The following NAV2 variants were observed in gnomAD, a reference collection of about 807,000 sequenced individuals.
The protein encoded by NAV2 is neuron navigator 2.
Under a neutral mutation model 223.2 loss-of-function variants are expected in NAV2, and 54 were observed. That is an observed-to-expected ratio of 0.24 (90% confidence interval 0.19 to 0.30). NAV2 has a LOEUF of 0.30. NAV2 is among the 10% of genes least tolerant of loss of function. The probability of loss-of-function intolerance (pLI) is 1.00; values close to 1 mark genes in which losing one functional copy is unlikely to be tolerated. For missense variants in NAV2, 2,806 were observed against 3,147.5 expected (o/e 0.89, Z 2.60); for synonymous variants, 1,279 against 1,239.3 (o/e 1.03, Z -0.67).
At chr11:19,476,073 C>T (rs1346790895) in intron 1 of NAV2, among the ~76,000 whole-genome samples, 1 of 152,194 alleles carries the variant, frequency 6.6e-6, no homozygotes, top group Non-Finnish European at 1.5e-5. Context: ...CTCCTGGGTT[C>T]AAGCAGTTCT....
rs558552868 is a variant in NAV2, at chr11:19,967,422, AC to A, written c.2646-16702del. 3.9e-3 allele frequency among the ~76,000 whole-genome samples: 588 copies of A among 152,234 alleles called. 4 individuals are homozygous for A. Among genetic ancestry groups the A allele is most frequent in the Middle Eastern group, 0.014 (4 of 294 alleles). Reference sequence around the variant, plus strand: ...AGAGGTTTTTTTTTAGGAACAGGTAACAAGGTGCAGGATTCAAAACCCAAAA... The same window carrying A: ...AGAGGTTTTTTTTTAGGAACAGGTAAAAGGTGCAGGATTCAAAACCCAAAA... On this transcript the variant is annotated intron_variant, in intron 10 of 37. Transcript: ENST00000349880.
At chr11:19,512,093 C>G (rs1487185) in intron 1 of NAV2, among the ~76,000 whole-genome samples, 1 of 151,896 alleles carries the variant, frequency 6.6e-6, no homozygotes, top group Non-Finnish European at 1.5e-5. Flanking sequence ...CCAAAGGAAA[C>G]AGATAAACTC....
At chr11:19,491,632 C>T (rs2042629746) in intron 1 of NAV2, among the ~76,000 whole-genome samples, 1 of 152,160 alleles carries the variant, frequency 6.6e-6, no homozygotes, top group South Asian at 2.1e-4. Flanking sequence ...ATCTTCTGTC[C>T]AGACAATTAG....
chr11:19,537,092 G>A (rs193160782), intron 1 of NAV2, among the ~76,000 whole-genome samples: 30 of 152,268 alleles, frequency 2.0e-4, no homozygotes, highest in Non-Finnish European at 3.4e-4. Context: ...TGGTGGGAAG[G>A]AAATTATAAA....
chr11:19,816,253 A>G (rs1468242438), intron 1 of NAV2, among the ~76,000 whole-genome samples: 1 of 152,224 alleles, frequency 6.6e-6, no homozygotes, highest in Admixed American at 6.5e-5. Context: ...GGAGCAGGCA[A>G]GCGCATTCCT....
intron 5 of NAV2, among the ~76,000 whole-genome samples, chr11:19,889,743 T>A (rs1339017157): frequency 6.6e-6 from 1 of 152,204 alleles, no homozygotes; most frequent in Non-Finnish European, 1.5e-5. Context: ...AAACCACGGA[T>A]GTTTCATTCC....
chr11:19,686,293 A>C (rs7130790), intron 1 of NAV2, among the ~76,000 whole-genome samples: 130,695 of 152,122 alleles, frequency 0.86, 56,829 homozygotes, highest in Middle Eastern at 0.95. Flanking sequence ...CTCAGAATCA[A>C]CCTTCTCCAT....
intron 11 of NAV2, among the ~76,000 whole-genome samples, chr11:20,000,754 G>T (rs998015741): frequency 3.3e-5 from 5 of 152,206 alleles, no homozygotes; most frequent in African/African-American, 1.2e-4. Context: ...TGCCACAGAG[G>T]TCAGCTCTGA....
intron 1 of NAV2, among the ~76,000 whole-genome samples, chr11:19,641,779 C>A (rs1357066071): frequency 1.3e-5 from 2 of 152,102 alleles, no homozygotes; most frequent in Non-Finnish European, 2.9e-5. Flanking sequence ...CTGTGCTTAC[C>A]CTGTCCACAT....
At chr11:19,530,633 C>G (rs1423665149) in intron 1 of NAV2, among the ~76,000 whole-genome samples, 3 of 152,212 alleles carry the variant, frequency 2.0e-5, no homozygotes, top group Non-Finnish European at 4.4e-5. Context: ...GTTCACCTGC[C>G]ACGGAAATGT....
At chr11:19,908,264 C>G (rs763411533) in intron 6 of NAV2, among the ~76,000 whole-genome samples, 1 of 152,072 alleles carries the variant, frequency 6.6e-6, no homozygotes, top group Non-Finnish European at 1.5e-5. Context: ...AAACAGAGAG[C>G]TTTTGAGGTC....
chr11:20,017,813 C>G (rs1591677772), intron 11 of NAV2, among the ~76,000 whole-genome samples: 1 of 152,186 alleles, frequency 6.6e-6, no homozygotes, highest in East Asian at 1.9e-4. Context: ...CTGCCTGTTG[C>G]AGATCACACC....
intron 17 of NAV2, among the ~76,000 whole-genome samples, chr11:20,051,622 G>A (rs1484806247): frequency 1.3e-5 from 2 of 152,164 alleles, no homozygotes; most frequent in Non-Finnish European, 2.9e-5. Context: ...CTGCTTCTGG[G>A]GCCAATGGGT....
intron 36 of NAV2, among the ~76,000 whole-genome samples, chr11:20,113,288 C>A (rs1056662966): frequency 6.6e-6 from 1 of 152,132 alleles, no homozygotes; most frequent in African/African-American, 2.4e-5. Flanking sequence ...CGGTACCTGG[C>A]ACAAAGTCAG....
chr11:19,497,764 G>A (rs564989403), intron 1 of NAV2, among the ~76,000 whole-genome samples: 157 of 152,176 alleles, frequency 1.0e-3, no homozygotes, highest in African/African-American at 3.0e-3. Context: ...GGAGTGTCTC[G>A]GTTAGCCCAG....
intron 1 of NAV2, among the ~76,000 whole-genome samples, chr11:19,664,288 C>T (rs1321641172): frequency 6.6e-6 from 1 of 152,210 alleles, no homozygotes. Flanking sequence ...AACCCTTCAT[C>T]ACCTGGATAC....
intron 1 of NAV2, among the ~76,000 whole-genome samples, chr11:19,600,689 C>A (rs1238047626): frequency 6.6e-6 from 1 of 152,044 alleles, no homozygotes; most frequent in Non-Finnish European, 1.5e-5. Flanking sequence ...ATGGGGATAA[C>A]AATAGTAACT....
chr11:19,998,496 T>C lies in NAV2; in HGVS notation c.2768+14249T>C, dbSNP rs149151952. Among the ~76,000 whole-genome samples, 40 of 152,230 alleles carry C rather than the reference T, an allele frequency of 2.6e-4. No homozygotes were observed. The highest frequency in any genetic ancestry group is 8.3e-4 in the South Asian group (4 of 4,818). On this transcript the variant is annotated intron_variant, in intron 11 of 37. Transcript: ENST00000349880. The surrounding 1 kb of genome is among the most constrained non-coding windows in gnomAD (Gnocchi z 5.0). ...GCCCTTGCCTGAAACCCTCCCTTAG[T>C]GCCTTTCCATTGCACCTAGAATAAA... is the stretch of plus-strand genomic sequence containing the variant.
At chr11:19,919,830 C>G (rs1250499569) in intron 6 of NAV2, among the ~76,000 whole-genome samples, 2 of 152,122 alleles carry the variant, frequency 1.3e-5, no homozygotes, top group Non-Finnish European at 2.9e-5. Flanking sequence ...TTAATAAAGT[C>G]CATTGATTAA....
Sources: allele counts gnomAD v4.1 joint callset (sites outside exome capture counted in the v4.1 genomes callset), GRCh38; gene constraint gnomAD v4.1.1; non-coding constraint Gnocchi (gnomAD v3.1); transcripts MANE v1.5; gene names NCBI Gene and HGNC (gene_info 2026-07-23, HGNC 2026-07-21).